The following CSMD1 variants were observed in gnomAD, a reference collection of about 807,000 sequenced individuals.
The protein encoded by CSMD1 is CUB and Sushi multiple domains 1, also known as CUB and sushi domain-containing protein 1.
A neutral mutation model predicts 417.5 loss-of-function variants in CSMD1; 213 were observed. That is an observed-to-expected ratio of 0.51 (90% CI 0.46 to 0.57). The LOEUF (loss-of-function observed/expected upper bound fraction) is 0.57, where lower values mean the gene tolerates loss of function less well. Ranked by LOEUF, CSMD1 falls within the 20% of genes least tolerant of loss-of-function variation. The probability of loss-of-function intolerance (pLI) is 0.00; values close to 1 mark genes in which losing one functional copy is unlikely to be tolerated. For synonymous variants in CSMD1, 2,862 were observed against 1,736.8 expected, an observed-to-expected ratio of 1.65 and a Z score of -16.11; for missense variants, 6,923 against 4,529.7, an observed-to-expected ratio of 1.53 and a Z score of -15.17.
At chr8:4,013,155 G>C (rs1215299430) in intron 4 of CSMD1, among the ~76,000 whole-genome samples, 4 of 152,034 alleles carry the variant, frequency 2.6e-5, no homozygotes, top group Non-Finnish European at 5.9e-5. Context: ...ACACTGCTCA[G>C]TATAGAGGTT....
At chr8:4,232,730 C>A (rs547411458) in intron 3 of CSMD1, among the ~76,000 whole-genome samples, 1 of 152,158 alleles carries the variant, frequency 6.6e-6, no homozygotes, top group African/African-American at 2.4e-5. Context: ...ATTTAACAGT[C>A]GTAAGATTGC....
At chr8:4,933,881 A>G (rs1330063176) in intron 1 of CSMD1, among the ~76,000 whole-genome samples, 1 of 152,258 alleles carries the variant, frequency 6.6e-6, no homozygotes, top group Non-Finnish European at 1.5e-5. Context: ...GCAGAGAAGC[A>G]TCATTTCAAG....
chr8:4,417,235 A>G (rs1222993832), intron 3 of CSMD1, among the ~76,000 whole-genome samples: 1 of 152,052 alleles, frequency 6.6e-6, no homozygotes, highest in Non-Finnish European at 1.5e-5. Flanking sequence ...AGTTAAATTC[A>G]ATGACTGAAC....
intron 1 of CSMD1, among the ~76,000 whole-genome samples, chr8:4,838,687 C>A (rs936160181): frequency 6.6e-5 from 10 of 152,166 alleles, no homozygotes; most frequent in African/African-American, 2.4e-5. Context: ...TATAAGAGAC[C>A]TTTATTTGCA....
At chr8:3,460,169 G>C (rs867383489) in intron 12 of CSMD1, among the ~76,000 whole-genome samples, 17 of 152,212 alleles carry the variant, frequency 1.1e-4, no homozygotes, top group Admixed American at 4.6e-4. Context: ...ACATAATCTA[G>C]GATGTGAGGC....
intron 3 of CSMD1, among the ~76,000 whole-genome samples, chr8:4,233,730 T>C (rs571771437): frequency 3.9e-5 from 6 of 152,230 alleles, no homozygotes; most frequent in South Asian, 2.1e-4. Context: ...AAGATATTAA[T>C]AAAATAAAGA....
chr8:3,787,984 G>A (rs962111698), intron 5 of CSMD1, among the ~76,000 whole-genome samples: 1 of 152,200 alleles, frequency 6.6e-6, no homozygotes, highest in East Asian at 1.9e-4. Flanking sequence ...ATAATTGGGA[G>A]CTGTGAGTTT....
chr8:4,023,246 C>T (rs1014295831), intron 4 of CSMD1, among the ~76,000 whole-genome samples: 16 of 152,142 alleles, frequency 1.1e-4, no homozygotes, highest in South Asian at 2.1e-4. Flanking sequence ...TCCAAATCAC[C>T]GCTGCGCATA....
At position 3,930,254 on chromosome 8, in the gene CSMD1, C is replaced by A. The variant is rs113700714; in HGVS notation, c.818+67649G>T. Among the ~76,000 whole-genome samples, 91 of 150,356 alleles carry A rather than the reference C, an allele frequency of 6.1e-4. 7 individuals are homozygous for A. The highest frequency in any genetic ancestry group is 2.2e-3 in the African/African-American group (88 of 40,838). ...GGTCCTTCTTCAAAGACTTTCCTCC[C>A]CATCTAATTAGGAATAAATAGTAAC... On this transcript the variant is annotated intron_variant, in intron 5 of 69. Transcript: ENST00000635120.
chr8:4,077,479 G>C (rs865832444), intron 3 of CSMD1, among the ~76,000 whole-genome samples: 1 of 151,364 alleles, frequency 6.6e-6, no homozygotes, highest in African/African-American at 2.4e-5. Flanking sequence ...GTCTAGTTGA[G>C]GCTTCACCTC....
At chr8:4,901,253 T>C (rs1804853361) in intron 1 of CSMD1, among the ~76,000 whole-genome samples, 2 of 152,218 alleles carry the variant, frequency 1.3e-5, no homozygotes, top group Non-Finnish European at 2.9e-5. Flanking sequence ...GTTGTCTTTT[T>C]AACCTCTAGA....
At chr8:3,592,670 ACATCCGTG>A (rs1800903184) in intron 8 of CSMD1, among the ~76,000 whole-genome samples, 1 of 128,342 alleles carries the variant, frequency 7.8e-6, no homozygotes, top group African/African-American at 4.7e-5. Flanking sequence ...GTGTGTGTGC[ACATCCGTG>A]TGTGTGTGCA....
At chr8:3,505,923 A>G (rs1796804622) in intron 10 of CSMD1, among the ~76,000 whole-genome samples, 2 of 152,222 alleles carry the variant, frequency 1.3e-5, no homozygotes, top group African/African-American at 4.8e-5. Context: ...TTACAAATAC[A>G]CTAAAAAGAA....
At chr8:3,573,492 G>C (rs780639314) in intron 10 of CSMD1, among the ~76,000 whole-genome samples, 4 of 152,188 alleles carry the variant, frequency 2.6e-5, no homozygotes, top group Non-Finnish European at 4.4e-5. Flanking sequence ...AAATTCCTCA[G>C]TGTTTCAGAA....
intron 3 of CSMD1, among the ~76,000 whole-genome samples, chr8:4,354,281 A>T (rs1801268697): frequency 6.6e-6 from 1 of 152,170 alleles, no homozygotes; most frequent in African/African-American, 2.4e-5. Flanking sequence ...TGACAAAGTA[A>T]CCAAGTTACT....
chr8:3,066,473 C>T (rs1254477373), intron 49 of CSMD1, among the ~76,000 whole-genome samples: 3 of 152,180 alleles, frequency 2.0e-5, no homozygotes, highest in South Asian at 2.1e-4. Flanking sequence ...GAATTCATTA[C>T]GCATGCAGGT....
At chr8:4,192,016 C>T (rs1470238842) in intron 3 of CSMD1, among the ~76,000 whole-genome samples, 10 of 152,156 alleles carry the variant, frequency 6.6e-5, no homozygotes, top group South Asian at 4.1e-4. Context: ...GCAAGCTTCC[C>T]GCTGTTGCCA....
At chr8:4,844,567 G>A (rs1217427244) in intron 1 of CSMD1, among the ~76,000 whole-genome samples, 2 of 152,106 alleles carry the variant, frequency 1.3e-5, no homozygotes, top group Non-Finnish European at 2.9e-5. Flanking sequence ...CATGAGGGGT[G>A]CACAACATTA....
At chr8:4,322,907 C>T (rs1422315659) in intron 3 of CSMD1, among the ~76,000 whole-genome samples, 1 of 152,170 alleles carries the variant, frequency 6.6e-6, no homozygotes, top group African/African-American at 2.4e-5. Context: ...ATCGCTTGAA[C>T]CCTGGAGGTG....
Sources: allele counts gnomAD v4.1 joint callset (sites outside exome capture counted in the v4.1 genomes callset), GRCh38; gene constraint gnomAD v4.1.1; transcripts MANE v1.5; gene names NCBI Gene and HGNC (gene_info 2026-07-23, HGNC 2026-07-21).